The following ADGRD1 variants were observed in gnomAD, a reference collection of about 807,000 sequenced individuals.
ADGRD1 encodes adhesion G protein-coupled receptor D1, also known as G-protein coupled receptor 133.
Under a neutral mutation model 113.4 loss-of-function variants are expected in ADGRD1, and 77 were observed. The ratio of observed to expected loss-of-function variants is 0.68; its 90% CI spans 0.57 to 0.82. The LOEUF is 0.82. Among genes scored for constraint, ADGRD1 ranks in the 40% least tolerant of loss-of-function variants. ADGRD1 has a pLI of 0.00. For missense variants in ADGRD1, 1,036 were observed against 1,139.1 expected, an observed-to-expected ratio of 0.91 and a Z score of 1.30; for synonymous variants, 474 against 475.0, an observed-to-expected ratio of 1.00 and a Z score of 0.03.
intron 15 of ADGRD1, among the ~76,000 whole-genome samples, chr12:131,094,090 T>C (rs1727361): frequency 2.0e-4 from 24 of 119,474 alleles, no homozygotes; most frequent in South Asian, 2.8e-4. Flanking sequence ...GAGCACCCAG[T>C]CTCAGCACCC....
intron 15 of ADGRD1, among the ~76,000 whole-genome samples, chr12:131,088,663 GA>G (rs1886674848): frequency 6.6e-6 from 1 of 152,180 alleles, no homozygotes; most frequent in Non-Finnish European, 1.5e-5. Context: ...CAGGGGTCGT[GA>G]GGGGCAGGAG....
chr12:131,080,541 G>T (rs1593177689), intron 14 of ADGRD1, among the ~76,000 whole-genome samples: 1 of 152,030 alleles, frequency 6.6e-6, no homozygotes, highest in Admixed American at 6.5e-5. Context: ...CTGTCAACTT[G>T]TTCTGTCAAT....
rs576581073 is a variant in ADGRD1, at chr12:131,012,485, C to G, written c.1332-1714C>G. Among the ~76,000 whole-genome samples the G allele has an allele frequency of 6.6e-5, 10 of 152,282 alleles. 1 individual carries two copies. In the South Asian group the frequency reaches 2.1e-3, roughly 32 times the overall value. ...AGGAAGTCGCTTCTGCGGGAACAGA[C>G]AGGGTGTTCATTCTCTATGGCGCCA... On this transcript the variant is annotated intron_variant, in intron 12 of 24. Coordinates refer to ENST00000261654, the MANE Select transcript of ADGRD1 (RefSeq NM_198827.5).
intron 8 of ADGRD1, among the ~76,000 whole-genome samples, 183 bp from the exon 9 acceptor site, chr12:131,000,200 G>A (rs951155285): frequency 6.6e-6 from 1 of 152,214 alleles, no homozygotes; most frequent in Non-Finnish European, 1.5e-5. Context: ...ATAAGATAAC[G>A]TCCATAAAAG....
intron 13 of ADGRD1, among the ~76,000 whole-genome samples, chr12:131,038,339 G>A (rs993441280): frequency 6.6e-6 from 1 of 152,202 alleles, no homozygotes; most frequent in African/African-American, 2.4e-5. Flanking sequence ...GCAGCCATGT[G>A]TTAGAATTCC....
chr12:131,108,863 A>G lies in ADGRD1; in HGVS notation c.2027A>G (p.Tyr676Cys), dbSNP rs781596943. The G allele has an allele frequency of 1.8e-5, 22 of 1,248,492 alleles. No individual in the cohort carries two copies. Among genetic ancestry groups the G allele is most frequent in the African/African-American group, 6.3e-5 (4 of 63,054 alleles). 77.3% of individuals were successfully genotyped at this position (1,248,492 alleles called of 1,614,324 possible). The change falls in exon 18 of 25, where the codon TAT (tyrosine) becomes TGT (cysteine). Residue 676 changes from tyrosine (Y) to cysteine (C), a missense_variant. Tyr to Cys is a radical substitution (Grantham distance 194). Coordinates refer to ENST00000261654, the MANE Select transcript of ADGRD1 (RefSeq NM_198827.5). ...GAGGACAGCAAGCACCGTTACTACTATGGGATGGGATGGGGTAGGTGGGGC... is the reference window on the plus strand; with the variant it reads ...GAGGACAGCAAGCACCGTTACTACTGTGGGATGGGATGGGGTAGGTGGGGC... Reference protein sequence around the residue: ...GSEDSKHRYYYGMGWGFPLLI... With the variant: ...GSEDSKHRYYCGMGWGFPLLI...
chr12:131,123,257 C>T (rs1362712298), intron 20 of ADGRD1, among the ~76,000 whole-genome samples: 1 of 151,226 alleles, frequency 6.6e-6, no homozygotes, highest in Non-Finnish European at 1.5e-5. Context: ...GTTGGCCAGG[C>T]TGGTCTCTAA....
chr12:131,009,971 T>A (rs1186759645), intron 12 of ADGRD1, among the ~76,000 whole-genome samples: 1 of 152,208 alleles, frequency 6.6e-6, no homozygotes. Flanking sequence ...CTGCGGGGGC[T>A]CCTGGCATGG....
At chr12:131,052,269 C>G (rs1157472905) in intron 13 of ADGRD1, among the ~76,000 whole-genome samples, 1 of 152,206 alleles carries the variant, frequency 6.6e-6, no homozygotes, top group African/African-American at 2.4e-5. Flanking sequence ...AACCCCTGCA[C>G]CGAGTCCCAC....
chr12:130,969,418 C>CGACCA, intron 3 of ADGRD1: 1 of 214,112 alleles, frequency 4.7e-6, no homozygotes. Context: ...CACATTACCG[C>CGACCA]CCGAGCTCCA....
chr12:131,032,617 C>A (rs1359475416), intron 13 of ADGRD1, among the ~76,000 whole-genome samples: 1 of 152,222 alleles, frequency 6.6e-6, no homozygotes, highest in Admixed American at 6.5e-5. Context: ...CCCTCTGCTT[C>A]CTCTCCCTAT....
At chr12:131,120,374 G>A (rs1484080207) in intron 19 of ADGRD1, among the ~76,000 whole-genome samples, 6 of 152,132 alleles carry the variant, frequency 3.9e-5, no homozygotes, top group African/African-American at 1.2e-4. Flanking sequence ...GGACATCAGA[G>A]CAATCACTAG....
Position 130,966,558 on chromosome 12 carries a change from G to T in ADGRD1, c.187+12G>T. On this transcript the variant is annotated intron_variant, in intron 3 of 24. Coordinates refer to ENST00000261654, the MANE Select transcript of ADGRD1 (RefSeq NM_198827.5). This position sits in a 1 kb window ranked among gnomAD's most constrained non-coding sequence, Gnocchi z 4.6. ...GGATACAACTGGAGGTAGAGACGCG[G>T]GTGCTGAGAGCGGCTGTGGGCGCGG... 1 of 1,563,682 alleles carries T rather than the reference G, an allele frequency of 6.4e-7. No homozygotes were observed. Among genetic ancestry groups the T allele is most frequent in the South Asian group, 1.1e-5 (1 of 90,122 alleles).
chr12:131,012,629 C>T (rs945852831), intron 12 of ADGRD1, among the ~76,000 whole-genome samples: 45 of 152,176 alleles, frequency 3.0e-4, no homozygotes, highest in African/African-American at 1.0e-3. Flanking sequence ...TGAGGTGGGA[C>T]GTGCTCCTGC....
Position 130,984,735 on chromosome 12 carries a change from ATTGT to A in ADGRD1, c.491-2357_491-2354del, listed in dbSNP as rs1225612180. On this transcript the variant is annotated intron_variant, in intron 5 of 24. Transcript: ENST00000261654. The surrounding 1 kb of genome is among the most constrained non-coding windows in gnomAD (Gnocchi z 4.1). ...ATCTTTCGCCCATTTTAAAAATTGG[ATTGT>A]TTTTCTTTCTTTTTTCCTTCCTCCC... 1.3e-5 allele frequency among the ~76,000 whole-genome samples: 2 copies of A among 151,084 alleles called. No homozygotes were observed. The highest frequency in any genetic ancestry group is 2.1e-4 in the South Asian group (1 of 4,758).
intron 4 of ADGRD1, among the ~76,000 whole-genome samples, chr12:130,975,861 T>C (rs1872244360): frequency 6.6e-6 from 1 of 152,218 alleles, no homozygotes; most frequent in South Asian, 2.1e-4. Context: ...GGCCCATTGC[T>C]TCTAGTTCCA....
intron 20 of ADGRD1, among the ~76,000 whole-genome samples, chr12:131,130,843 C>T (rs58934891): frequency 0.041 from 6,252 of 152,224 alleles, 406 homozygotes; most frequent in African/African-American, 0.14. Context: ...AGGCTCTGGC[C>T]GCGCCCAGGC....
rs1182005660 is a variant in ADGRD1 at position 130,971,337 on chromosome 12, T to C, written c.188-121T>C. ...AGAATAATATATGATGTTATAAATATATACTTAGATAAATAATAATGCATA... is the reference window on the plus strand; with the variant it reads ...AGAATAATATATGATGTTATAAATACATACTTAGATAAATAATAATGCATA... On this transcript the variant is annotated intron_variant, in intron 3 of 24. Transcript: ENST00000261654. The surrounding 1 kb of genome is among the most constrained non-coding windows in gnomAD (Gnocchi z 4.2). 9.7e-6 allele frequency: 5 copies of C among 513,314 alleles called. No individual in the cohort carries two copies. The highest frequency in any genetic ancestry group is 3.9e-5 in the African/African-American group (2 of 51,048). 31.8% of individuals were successfully genotyped at this position (513,314 alleles called of 1,614,324 possible).
At chr12:131,053,616 C>T (rs1326524926) in intron 13 of ADGRD1, among the ~76,000 whole-genome samples, 1 of 152,138 alleles carries the variant, frequency 6.6e-6, no homozygotes, top group Non-Finnish European at 1.5e-5. Flanking sequence ...AGTCAATGAA[C>T]CAGAATGGTG....
Sources: allele counts gnomAD v4.1 joint callset (sites outside exome capture counted in the v4.1 genomes callset), GRCh38; gene constraint gnomAD v4.1.1; non-coding constraint Gnocchi (gnomAD v3.1); transcripts MANE v1.5; gene names NCBI Gene and HGNC (gene_info 2026-07-23, HGNC 2026-07-21).